Variants in RIMKLB observed in about 807,000 individuals in gnomAD.
The protein encoded by RIMKLB is ribosomal modification protein rimK like family member B.
In RIMKLB, 7 loss-of-function variants were observed where a neutral mutation model predicts 32.0. The observed-to-expected ratio is 0.22, with a 90% CI of 0.12 to 0.41. RIMKLB has a LOEUF of 0.41. RIMKLB is among the 10% of genes least tolerant of loss of function. The pLI is 1.00. For missense variants in RIMKLB, 289 were observed against 498.7 expected (o/e 0.58, Z 4.00); for synonymous variants, 172 against 185.1 (o/e 0.93, Z 0.57).
chr12:8,734,090 A>G (rs1297703392), intron 2 of RIMKLB, among the ~76,000 whole-genome samples: 1 of 152,216 alleles, frequency 6.6e-6, no homozygotes, highest in Non-Finnish European at 1.5e-5. Context: ...GAGAACACAG[A>G]GGAATTATCT....
At chr12:8,748,444 C>G (rs1275856778) in intron 2 of RIMKLB, among the ~76,000 whole-genome samples, 1 of 151,254 alleles carries the variant, frequency 6.6e-6, no homozygotes, top group Non-Finnish European at 1.5e-5. Context: ...ATAGTTCTTA[C>G]AGTTTAGGCT....
intron 2 of RIMKLB, among the ~76,000 whole-genome samples, chr12:8,733,656 T>G (rs932311090): frequency 1.3e-5 from 2 of 152,194 alleles, no homozygotes; most frequent in African/African-American, 2.4e-5. Context: ...GAAGATCATG[T>G]GAGGCCAGGA....
At chr12:8,729,030 A>G (rs190163540) in intron 2 of RIMKLB, among the ~76,000 whole-genome samples, 11 of 152,134 alleles carry the variant, frequency 7.2e-5, no homozygotes, top group Non-Finnish European at 1.6e-4. Context: ...GCTGGGGGCA[A>G]GTGCTTTTGG....
At chr12:8,748,740 C>T (rs141185789) in intron 2 of RIMKLB, among the ~76,000 whole-genome samples, 3,555 of 151,812 alleles carry the variant, frequency 0.023, 130 homozygotes, top group African/African-American at 0.081. Flanking sequence ...AGTTTAAGAC[C>T]ATCCTGGCCA....
In RIMKLB at chr12:8,728,050, CTTG is replaced by C. The variant is rs780339943; in HGVS notation, c.175+14014_175+14016del. ...GCATTGCCAGCTAGGGGAACTTGAA[CTTG>C]TTGTATGCATTTTGGTATCTGTGGG... is the stretch of plus-strand genomic sequence containing the variant. On this transcript the variant is annotated intron_variant, in intron 2 of 5. Transcript: ENST00000535829. 5.3e-5 allele frequency among the ~76,000 whole-genome samples: 8 copies of C among 152,242 alleles called. No homozygotes were observed. The East Asian group carries it at 7.7e-4, about 15-fold the overall frequency.
chr12:8,704,971 A>AAC (rs3076182), intron 1 of RIMKLB, among the ~76,000 whole-genome samples: 32,047 of 146,558 alleles, frequency 0.22, 3,956 homozygotes, highest in East Asian at 0.42. Context: ...TCACCTCTAA[A>AAC]ACACACACAC....
At chr12:8,689,115 C>T (rs777152384) in intron 1 of RIMKLB, among the ~76,000 whole-genome samples, 4 of 152,314 alleles carry the variant, frequency 2.6e-5, no homozygotes, top group South Asian at 4.1e-4. Flanking sequence ...GGATTACAGG[C>T]GTGAGCCGCT....
At chr12:8,726,575 C>G (rs960164966) in intron 2 of RIMKLB, among the ~76,000 whole-genome samples, 8 of 151,868 alleles carry the variant, frequency 5.3e-5, no homozygotes, top group African/African-American at 1.9e-4. Context: ...ATATCTTTCT[C>G]TATCCATTTG....
intron 2 of RIMKLB, among the ~76,000 whole-genome samples, chr12:8,729,031 G>C (rs1946302816): frequency 6.6e-6 from 1 of 152,146 alleles, no homozygotes; most frequent in South Asian, 2.1e-4. Context: ...CTGGGGGCAA[G>C]TGCTTTTGGG....
intron 1 of RIMKLB, chr12:8,700,082 G>A (rs1943255486): frequency 6.6e-6 from 1 of 152,186 alleles, no homozygotes; most frequent in Admixed American, 6.5e-5. Context: ...AGGAGTAGCA[G>A]GGAGAGTGAC....
intron 2 of RIMKLB, among the ~76,000 whole-genome samples, chr12:8,716,180 T>C (rs1008298225): frequency 6.6e-6 from 1 of 152,112 alleles, no homozygotes; most frequent in African/African-American, 2.4e-5. Flanking sequence ...ATTTGGGAGG[T>C]AGAAATGGGC....
chr12:8,734,021 T>C (rs1015502061), intron 2 of RIMKLB, among the ~76,000 whole-genome samples: 7 of 152,170 alleles, frequency 4.6e-5, no homozygotes, highest in African/African-American at 1.7e-4. Context: ...CAAGTGCTTG[T>C]AGGTCTACTA....
intron 1 of RIMKLB, 72 bp from the exon 2 acceptor site, chr12:8,713,739 T>G: frequency 1.1e-6 from 1 of 902,202 alleles, no homozygotes; most frequent in Non-Finnish European, 1.8e-6. Flanking sequence ...TCACGGCATT[T>G]ATTTGTATGA....
At chr12:8,773,071 ATAT>A (rs1382559388) in intron 5 of RIMKLB, among the ~76,000 whole-genome samples, 1 of 134,208 alleles carries the variant, frequency 7.5e-6, no homozygotes, top group Non-Finnish European at 1.5e-5. Flanking sequence ...TACTTGGTTT[ATAT>A]TATTGCAAGT....
intron 4 of RIMKLB, 43 bp downstream of exon 4, chr12:8,752,086 TCTTG>T (rs1484123798): frequency 2.4e-6 from 3 of 1,229,362 alleles, no homozygotes; most frequent in Middle Eastern, 1.9e-4. Flanking sequence ...TTGAAACTAT[TCTTG>T]CTTATTAATA....
chr12:8,731,958 C>G (rs1193832611), intron 2 of RIMKLB, among the ~76,000 whole-genome samples: 1 of 151,852 alleles, frequency 6.6e-6, no homozygotes, highest in Non-Finnish European at 1.5e-5. Flanking sequence ...TTTCATGTGC[C>G]TTAACATTTT....
At chr12:8,685,509 T>C (rs1364098321) in intron 1 of RIMKLB, among the ~76,000 whole-genome samples, 1 of 152,236 alleles carries the variant, frequency 6.6e-6, no homozygotes, top group African/African-American at 2.4e-5. Flanking sequence ...TTTCAAATAT[T>C]GAGTCTGCCT....
At chr12:8,698,489 G>A (rs1227207634) in intron 1 of RIMKLB, among the ~76,000 whole-genome samples, 192 bp downstream of exon 1, 2 of 152,132 alleles carry the variant, frequency 1.3e-5, no homozygotes, top group African/African-American at 4.8e-5. Flanking sequence ...AGTCGGTGGG[G>A]AGCGAGGCGG....
At chr12:8,761,150 C>T (rs1166803850) in intron 5 of RIMKLB, among the ~76,000 whole-genome samples, 2 of 151,720 alleles carry the variant, frequency 1.3e-5, no homozygotes, top group Admixed American at 1.3e-4. Flanking sequence ...TTGAGAGCAG[C>T]CTGGGCAACA....
Sources: gnomAD v4.1 joint callset for allele counts (sites outside exome capture counted in the v4.1 genomes callset) on GRCh38, gnomAD v4.1.1 for gene constraint, MANE v1.5 for transcripts, NCBI Gene and HGNC (gene_info 2026-07-23, HGNC 2026-07-21) for gene names.